The following KCNK13 variants were observed in gnomAD, a reference collection of about 807,000 sequenced individuals.
The protein encoded by KCNK13 is potassium two pore domain channel subfamily K member 13.
A neutral mutation model predicts 23.4 loss-of-function variants in KCNK13; 12 were observed. That is an observed-to-expected ratio of 0.51 (90% CI 0.33 to 0.83). The LOEUF (loss-of-function observed/expected upper bound fraction) is 0.83. Ranked by LOEUF, KCNK13 falls within the 40% of genes least tolerant of loss-of-function variation. KCNK13 has a pLI of 0.02. For missense variants in KCNK13, 463 were observed against 556.3 expected (o/e 0.83, Z 1.69); for synonymous variants, 231 against 229.5 (o/e 1.01, Z -0.06).
intron 1 of KCNK13, among the ~76,000 whole-genome samples, chr14:90,102,931 C>T (rs1469644589): frequency 6.6e-6 from 1 of 152,170 alleles, no homozygotes; most frequent in Non-Finnish European, 1.5e-5. Flanking sequence ...CCATGCCTCC[C>T]TCCATCCCTG....
rs1452213753 is a variant in KCNK13, at chr14:90,062,419, C to T, written c.214C>T (p.Arg72Cys). Residue 72 changes from arginine (R) to cysteine (C), a missense_variant, in exon 1 of 2, where the codon CGC (arginine) becomes TGC (cysteine). Physicochemically the swap from Arg to Cys is radical, Grantham distance 180 (BLOSUM62 -3). This residue lies in a region of KCNK13 where 153 missense variants were observed against 153.6 expected (regional missense o/e 1.00). Coordinates refer to ENST00000282146, the MANE Select transcript of KCNK13 (RefSeq NM_022054.4). This position sits in a 1 kb window ranked among gnomAD's most constrained non-coding sequence, Gnocchi z 4.5. Reference sequence around the variant, plus strand: ...CCACAACCTGAGCCGCGACGAGCTGCGCGGCTTCCTCCGCCACTACGAGGA... The same window carrying T: ...CCACAACCTGAGCCGCGACGAGCTGTGCGGCTTCCTCCGCCACTACGAGGA... ...RGHNLSRDEL[R>C]GFLRHYEEAT... 24 of 1,545,950 alleles carry T rather than the reference C, an allele frequency of 1.6e-5. No individual in the cohort carries two copies. Among genetic ancestry groups the T allele is most frequent in the Admixed American group, 3.9e-5 (2 of 51,072 alleles).
At chr14:90,076,521 C>A (rs1433489266) in intron 1 of KCNK13, among the ~76,000 whole-genome samples, 1 of 152,178 alleles carries the variant, frequency 6.6e-6, no homozygotes, top group Admixed American at 6.5e-5. Context: ...TGTCCCCCAA[C>A]CCCCATCTGT....
At chr14:90,183,031 A>G (rs1348588125) in intron 1 of KCNK13, among the ~76,000 whole-genome samples, 2 of 151,914 alleles carry the variant, frequency 1.3e-5, no homozygotes, top group African/African-American at 2.4e-5. Flanking sequence ...GAGTGGGCTG[A>G]CCCTCATTGC....
At chr14:90,104,293 G>A (rs1280571472) in intron 1 of KCNK13, among the ~76,000 whole-genome samples, 1 of 152,130 alleles carries the variant, frequency 6.6e-6, no homozygotes, top group Admixed American at 6.5e-5. Context: ...TTCTTGTTGG[G>A]TGTCAGGAAC....
chr14:90,140,196 A>G (rs1889988882), intron 1 of KCNK13, among the ~76,000 whole-genome samples: 1 of 151,838 alleles, frequency 6.6e-6, no homozygotes. Context: ...GGTTATAAGA[A>G]CAGGGAGAAA....
At chr14:90,122,999 C>T (rs1889756942) in intron 1 of KCNK13, among the ~76,000 whole-genome samples, 1 of 152,168 alleles carries the variant, frequency 6.6e-6, no homozygotes, top group African/African-American at 2.4e-5. Flanking sequence ...GCCGAGATCA[C>T]ATGGCCAGTT....
In KCNK13 at chr14:90,106,556, C is replaced by T. The variant is rs141170014; in HGVS notation, c.334+44017C>T. Among the ~76,000 whole-genome samples, 28 of 151,348 alleles carry T rather than the reference C, an allele frequency of 1.9e-4. No homozygotes were observed. In the East Asian group the frequency reaches 5.3e-3, roughly 28 times the overall value. On this transcript the variant is annotated intron_variant, in intron 1 of 1. Transcript: ENST00000282146. ...CGCCACTGCATTCCACCCTGGGTGACAGAGTGAGACTATGTCTTCAAAAAA... is the reference window on the plus strand; with the variant it reads ...CGCCACTGCATTCCACCCTGGGTGATAGAGTGAGACTATGTCTTCAAAAAA...
chr14:90,088,968 G>A (rs1889313029), intron 1 of KCNK13, among the ~76,000 whole-genome samples: 1 of 152,152 alleles, frequency 6.6e-6, no homozygotes, highest in South Asian at 2.1e-4. Flanking sequence ...AGGCCCCCCA[G>A]CCATGTGGAA....
intron 1 of KCNK13, among the ~76,000 whole-genome samples, chr14:90,175,597 G>T (rs1314448281): frequency 6.6e-6 from 1 of 152,190 alleles, no homozygotes; most frequent in South Asian, 2.1e-4. Flanking sequence ...GCAGGGAGCT[G>T]AAGAAGAGGA....
At chr14:90,103,893 C>T (rs12588881) in intron 1 of KCNK13, among the ~76,000 whole-genome samples, 38,298 of 151,934 alleles carry the variant, frequency 0.25, 5,364 homozygotes, top group South Asian at 0.4. Flanking sequence ...TTGTTTCTCT[C>T]TCTCTCCTGG....
intron 1 of KCNK13, among the ~76,000 whole-genome samples, chr14:90,140,627 G>A (rs1889994563): frequency 6.6e-6 from 1 of 152,100 alleles, no homozygotes; most frequent in Non-Finnish European, 1.5e-5. Context: ...AAATCCCACA[G>A]GATTCCCTGT....
intron 1 of KCNK13, among the ~76,000 whole-genome samples, chr14:90,133,282 A>C (rs574247833): frequency 5.0e-4 from 76 of 152,330 alleles, no homozygotes; most frequent in African/African-American, 1.7e-3. Flanking sequence ...ACCAGTTGCA[A>C]AAGACCATAT....
intron 1 of KCNK13, among the ~76,000 whole-genome samples, chr14:90,125,609 A>ACACACACACACACACG (rs1889789237): frequency 1.7e-5 from 1 of 57,920 alleles, no homozygotes; most frequent in African/African-American, 6.4e-5. Context: ...GCACACACAC[A>ACACACACACACACACG]CACACACACA....
intron 1 of KCNK13, among the ~76,000 whole-genome samples, chr14:90,150,629 C>A (rs565155212): frequency 6.6e-6 from 1 of 152,256 alleles, no homozygotes; most frequent in South Asian, 2.1e-4. Flanking sequence ...TTCAGGTGTA[C>A]ATGCTAACAG....
chr14:90,103,666 G>A (rs1889507853), intron 1 of KCNK13, among the ~76,000 whole-genome samples: 1 of 152,018 alleles, frequency 6.6e-6, no homozygotes, highest in African/African-American at 2.4e-5. Context: ...GAGTTCAAGC[G>A]ATTCTCCTGC....
chr14:90,128,028 T>C (rs571703348), intron 1 of KCNK13, among the ~76,000 whole-genome samples: 2 of 152,224 alleles, frequency 1.3e-5, no homozygotes, highest in South Asian at 4.2e-4. Context: ...TCCCCTGTGT[T>C]AAATAAGACC....
chr14:90,154,586 C>T (rs374065957), intron 1 of KCNK13, among the ~76,000 whole-genome samples: 17 of 152,182 alleles, frequency 1.1e-4, no homozygotes, highest in Non-Finnish European at 2.2e-4. Context: ...GCTGCCATTG[C>T]GTGATTGGTT....
intron 1 of KCNK13, among the ~76,000 whole-genome samples, chr14:90,123,485 C>A (rs919271633): frequency 2.0e-5 from 3 of 152,120 alleles, no homozygotes; most frequent in Non-Finnish European, 2.9e-5. Context: ...CCTTAAAGAC[C>A]CTGTCTCCAA....
chr14:90,159,993 AGG>A (rs1274263324), intron 1 of KCNK13, among the ~76,000 whole-genome samples: 1 of 151,744 alleles, frequency 6.6e-6, no homozygotes, highest in East Asian at 1.9e-4. Context: ...ATGCATACAG[AGG>A]GGGTTGCAGG....
Sources: gnomAD v4.1 joint callset for allele counts (sites outside exome capture counted in the v4.1 genomes callset) on GRCh38, gnomAD v4.1.1 for gene constraint, gnomAD v4.1.1 regional missense constraint, Gnocchi (gnomAD v3.1) non-coding constraint, MANE v1.5 for transcripts, NCBI Gene and HGNC (gene_info 2026-07-23, HGNC 2026-07-21) for gene names.